Variants in SEMA3A observed in about 807,000 individuals in gnomAD.
SEMA3A encodes semaphorin 3A, also known as semaphorin-3A.
In SEMA3A, 29 loss-of-function variants were observed where a neutral mutation model predicts 97.9. The ratio of observed to expected loss-of-function variants is 0.30; its 90% CI spans 0.22 to 0.40. SEMA3A has a LOEUF of 0.40. Among genes scored for constraint, SEMA3A ranks in the 10% least tolerant of loss-of-function variants. The pLI, the probability that SEMA3A is intolerant of heterozygous loss-of-function variation, is 1.00. For missense variants in SEMA3A, 763 were observed against 951.3 expected, an observed-to-expected ratio of 0.80 and a Z score of 2.60; for synonymous variants, 321 against 323.7, an observed-to-expected ratio of 0.99 and a Z score of 0.09.
chr7:84,305,534 G>A (rs1053058697), intron 3 of SEMA3A, among the ~76,000 whole-genome samples: 77 of 152,076 alleles, frequency 5.1e-4, no homozygotes, highest in South Asian at 2.1e-4. Flanking sequence ...TGCATTCAGT[G>A]ATTTAAGACT....
At chr7:84,207,529 AG>A (rs1488215159) in intron 3 of SEMA3A, among the ~76,000 whole-genome samples, 1 of 152,230 alleles carries the variant, frequency 6.6e-6, no homozygotes, top group Non-Finnish European at 1.5e-5. Flanking sequence ...GGCTATGTTA[AG>A]AAACTCTGTT....
intron 1 of SEMA3A, among the ~76,000 whole-genome samples, chr7:84,168,204 A>G (rs1797275278): frequency 6.6e-6 from 1 of 152,022 alleles, no homozygotes; most frequent in South Asian, 2.1e-4. Context: ...TGAAAAATAA[A>G]CAAAGAGGTA....
chr7:84,246,267 G>C (rs1799474880), intron 3 of SEMA3A, among the ~76,000 whole-genome samples: 1 of 152,194 alleles, frequency 6.6e-6, no homozygotes, highest in African/African-American at 2.4e-5. Context: ...GTTGTTTTAA[G>C]TCATTAAGTT....
intron 13 of SEMA3A, 43 bp from the exon 14 acceptor site, chr7:83,981,521 T>C: frequency 1.4e-6 from 2 of 1,451,080 alleles, no homozygotes; most frequent in East Asian, 2.4e-5. Context: ...TATCTTGTCT[T>C]TTAAATCTCT....
chr7:84,160,553 T>A (rs533853989), intron 1 of SEMA3A, among the ~76,000 whole-genome samples: 25 of 142,714 alleles, frequency 1.8e-4, no homozygotes, highest in African/African-American at 6.6e-4. Context: ...CATCTCAAGA[T>A]AAAGAAATAA....
intron 1 of SEMA3A, among the ~76,000 whole-genome samples, chr7:84,182,616 TAC>T (rs1797766210): frequency 6.6e-6 from 1 of 152,092 alleles, no homozygotes; most frequent in African/African-American, 2.4e-5. Context: ...TAACTTCATG[TAC>T]ACACTCATGT....
intron 2 of SEMA3A, 144 bp downstream of exon 2, chr7:84,134,650 G>T: frequency 1.7e-6 from 1 of 572,282 alleles, no homozygotes; most frequent in Non-Finnish European, 2.8e-6. Flanking sequence ...ATTCATTACT[G>T]TCATTTTTAT....
chr7:84,272,113 T>C (rs563251290), intron 3 of SEMA3A, among the ~76,000 whole-genome samples: 3 of 151,682 alleles, frequency 2.0e-5, no homozygotes, highest in Admixed American at 1.3e-4. Flanking sequence ...ATGGAAAAAA[T>C]AACTAAAATG....
At chr7:84,160,785 C>T (rs2050356541) in intron 1 of SEMA3A, among the ~76,000 whole-genome samples, 1 of 150,376 alleles carries the variant, frequency 6.6e-6, no homozygotes, top group African/African-American at 2.5e-5. Context: ...GAGGCTGAGG[C>T]AGGAGAATTG....
chr7:84,088,609 GTTGA>G (rs970798564), intron 4 of SEMA3A, among the ~76,000 whole-genome samples: 1 of 152,056 alleles, frequency 6.6e-6, no homozygotes, highest in Non-Finnish European at 1.5e-5. Context: ...CTATATGCTG[GTTGA>G]TTGGGAATAC....
intron 2 of SEMA3A, among the ~76,000 whole-genome samples, chr7:84,363,482 C>T (rs1562920395): frequency 6.6e-6 from 1 of 151,888 alleles, no homozygotes; most frequent in Non-Finnish European, 1.5e-5. Flanking sequence ...AAAGTTTTAA[C>T]AGCTTTCTTT....
intron 3 of SEMA3A, among the ~76,000 whole-genome samples, chr7:84,224,955 C>CA (rs1196979353): frequency 6.9e-6 from 1 of 144,048 alleles, no homozygotes; most frequent in African/African-American, 2.9e-5. Flanking sequence ...TGCTTTATAG[C>CA]CCCCCCTAGT....
At chr7:84,395,360 A>G (rs1034671165) in intron 1 of SEMA3A, among the ~76,000 whole-genome samples, 61 of 67,224 alleles carry the variant, frequency 9.1e-4, no homozygotes, top group African/African-American at 7.5e-3. Flanking sequence ...ACCCATAGGA[A>G]AAAAAAAAAA....
At chr7:84,491,908 A>G (rs1347883347) in intron 1 of SEMA3A, among the ~76,000 whole-genome samples, 1 of 152,156 alleles carries the variant, frequency 6.6e-6, no homozygotes, top group African/African-American at 2.4e-5. Flanking sequence ...TATCATTGTC[A>G]TTGCTGCTAC....
At chr7:84,354,588 C>T (rs183208971) in intron 2 of SEMA3A, among the ~76,000 whole-genome samples, 48 of 151,666 alleles carry the variant, frequency 3.2e-4, no homozygotes, top group African/African-American at 1.1e-3. Context: ...AAGTCATATG[C>T]ACAATGGGTT....
chr7:83,990,016 G>GGTGTGAGAT (rs1789831234), intron 12 of SEMA3A, among the ~76,000 whole-genome samples: 1 of 151,972 alleles, frequency 6.6e-6, no homozygotes, highest in African/African-American at 2.4e-5. Context: ...CATTCTAACT[G>GGTGTGAGAT]GTGTGAGATG....
chr7:83,962,908 T>G (rs1788527745), intron 16 of SEMA3A, among the ~76,000 whole-genome samples: 1 of 152,116 alleles, frequency 6.6e-6, no homozygotes, highest in Admixed American at 6.5e-5. Flanking sequence ...CAAATATAAA[T>G]AACACAATTT....
At chr7:84,053,259 G>A (rs1395719869) in intron 5 of SEMA3A, among the ~76,000 whole-genome samples, 1 of 105,240 alleles carries the variant, frequency 9.5e-6, no homozygotes, top group Non-Finnish European at 2.3e-5. Flanking sequence ...TCAATTCCTG[G>A]GTATCCTTGT....
chr7:83,998,754 A>G (rs1283298767), intron 12 of SEMA3A, among the ~76,000 whole-genome samples: 1 of 152,064 alleles, frequency 6.6e-6, no homozygotes, highest in Non-Finnish European at 1.5e-5. Flanking sequence ...CTTGTTTGAT[A>G]AATTATTATT....
Sources: allele counts gnomAD v4.1 joint callset (sites outside exome capture counted in the v4.1 genomes callset), GRCh38; gene constraint gnomAD v4.1.1; transcripts MANE v1.5; gene names NCBI Gene and HGNC (gene_info 2026-07-23, HGNC 2026-07-21).